Variants in CAMKMT observed in about 807,000 individuals in gnomAD.
CAMKMT encodes CaM KMT.
Under a neutral mutation model 48.0 loss-of-function variants are expected in CAMKMT, and 53 were observed. That is an observed-to-expected ratio of 1.10 (90% CI 0.89 to 1.39). CAMKMT has a LOEUF of 1.39. Among genes scored for constraint, CAMKMT ranks in the 40% most tolerant of loss-of-function variants. The probability of loss-of-function intolerance (pLI) is 0.00; values close to 1 mark genes in which losing one functional copy is unlikely to be tolerated. For synonymous variants in CAMKMT, 165 were observed against 152.3 expected (o/e 1.08, Z -0.61); for missense variants, 428 against 402.7 (o/e 1.06, Z -0.54).
chr2:44,686,773 G>A (rs901727731), intron 3 of CAMKMT, among the ~76,000 whole-genome samples: 1 of 152,226 alleles, frequency 6.6e-6, no homozygotes, highest in Non-Finnish European at 1.5e-5. Context: ...TATACCACCA[G>A]ACAGGTCACT....
At chr2:44,587,865 A>G (rs1320295018) in intron 3 of CAMKMT, among the ~76,000 whole-genome samples, 1 of 124,550 alleles carries the variant, frequency 8.0e-6, no homozygotes, top group African/African-American at 3.0e-5. Flanking sequence ...TGGCCCCCCA[A>G]AGTGCCGAGA....
intron 6 of CAMKMT, among the ~76,000 whole-genome samples, chr2:44,708,211 ATTTT>A (rs59281575): frequency 1.9e-4 from 13 of 68,194 alleles, no homozygotes; most frequent in Admixed American, 2.4e-4. Flanking sequence ...TTTGCTTTGG[ATTTT>A]TTTTTTTTTT....
At chr2:44,640,424 C>G (rs750579989) in intron 3 of CAMKMT, among the ~76,000 whole-genome samples, 10 of 152,192 alleles carry the variant, frequency 6.6e-5, no homozygotes, top group Non-Finnish European at 1.0e-4. Context: ...TGTGAATACA[C>G]ACTGGGTTGC....
At chr2:44,400,061 A>G (rs1253920715) in intron 3 of CAMKMT, among the ~76,000 whole-genome samples, 1 of 152,234 alleles carries the variant, frequency 6.6e-6, no homozygotes, top group Admixed American at 6.5e-5. Context: ...AGTGGTATTC[A>G]GTAAGTATGC....
intron 3 of CAMKMT, among the ~76,000 whole-genome samples, chr2:44,613,842 CAT>C (rs1460120220): frequency 3.9e-5 from 6 of 152,172 alleles, no homozygotes; most frequent in Admixed American, 3.9e-4. Context: ...TGTCACTAGT[CAT>C]GTGATCCCCT....
At chr2:44,507,896 G>C (rs185640379) in intron 3 of CAMKMT, among the ~76,000 whole-genome samples, 1 of 152,092 alleles carries the variant, frequency 6.6e-6, no homozygotes, top group Non-Finnish European at 1.5e-5. Flanking sequence ...AACTTACCTC[G>C]GCACAAACTG....
At position 44,548,210 on chromosome 2, in the gene CAMKMT, C is replaced by T. The variant is rs555743519; in HGVS notation, c.377-156073C>T. On this transcript the variant is annotated intron_variant, in intron 3 of 10. Transcript: ENST00000378494. ...GCAAAATTTATGGGAACAACCAGCT[C>T]GAAGTCCCCTCCTGCCTCATTCCTG... Among the ~76,000 whole-genome samples the T allele has an allele frequency of 2.0e-5, 3 of 152,234 alleles. No individual in the cohort carries two copies. In the South Asian group the frequency reaches 6.2e-4, roughly 32 times the overall value.
At chr2:44,650,799 A>G (rs890800933) in intron 3 of CAMKMT, among the ~76,000 whole-genome samples, 4 of 152,192 alleles carry the variant, frequency 2.6e-5, no homozygotes, top group African/African-American at 7.2e-5. Context: ...AGTAAAGATT[A>G]TAAAAGATTC....
intron 7 of CAMKMT, among the ~76,000 whole-genome samples, chr2:44,743,332 T>C (rs553541352): frequency 5.3e-5 from 8 of 152,232 alleles, no homozygotes; most frequent in Non-Finnish European, 8.8e-5. Flanking sequence ...AGAATCATTA[T>C]AATGACTACG....
At chr2:44,747,542 C>T (rs901943331) in intron 8 of CAMKMT, among the ~76,000 whole-genome samples, 4 of 152,138 alleles carry the variant, frequency 2.6e-5, no homozygotes, top group African/African-American at 9.7e-5. Context: ...ATTCTGAGCT[C>T]TCATAAAAAT....
intron 3 of CAMKMT, among the ~76,000 whole-genome samples, chr2:44,602,071 T>C (rs1671025398): frequency 6.6e-6 from 1 of 152,026 alleles, no homozygotes. Flanking sequence ...AGTGGTGCCA[T>C]CTCAGTTCAC....
intron 3 of CAMKMT, among the ~76,000 whole-genome samples, chr2:44,399,470 A>G (rs1457919260): frequency 6.6e-6 from 1 of 151,846 alleles, no homozygotes; most frequent in East Asian, 1.9e-4. Flanking sequence ...TGTAACAATA[A>G]ATTTGTTGGG....
At chr2:44,498,447 C>A (rs557323215) in intron 3 of CAMKMT, among the ~76,000 whole-genome samples, 80 of 152,216 alleles carry the variant, frequency 5.3e-4, no homozygotes, top group Non-Finnish European at 2.9e-4. Context: ...CATCAACACA[C>A]ATATACATTC....
chr2:44,391,356 C>G (rs1681322737), intron 3 of CAMKMT, among the ~76,000 whole-genome samples: 1 of 151,840 alleles, frequency 6.6e-6, no homozygotes, highest in Non-Finnish European at 1.5e-5. Flanking sequence ...GACTGATGTG[C>G]CTTTTAGTTT....
At chr2:44,469,441 G>T (rs1216108676) in intron 3 of CAMKMT, among the ~76,000 whole-genome samples, 1 of 151,730 alleles carries the variant, frequency 6.6e-6, no homozygotes, top group Non-Finnish European at 1.5e-5. Context: ...GTAGCTTTAA[G>T]TATATTTCTT....
At chr2:44,530,918 A>G (rs1666450142) in intron 3 of CAMKMT, among the ~76,000 whole-genome samples, 1 of 152,070 alleles carries the variant, frequency 6.6e-6, no homozygotes, top group African/African-American at 2.4e-5. Context: ...ATAATTTCAT[A>G]GTGTGGTAGC....
In CAMKMT at chr2:44,510,816, C is replaced by A. The variant is rs147143908; in HGVS notation, c.376+120511C>A. 9.0e-4 allele frequency among the ~76,000 whole-genome samples: 137 copies of A among 152,162 alleles called. 1 individual carries two copies. The highest frequency in any genetic ancestry group is 3.1e-3 in the African/African-American group (130 of 41,514). On this transcript the variant is annotated intron_variant, in intron 3 of 10. Coordinates refer to ENST00000378494, the MANE Select transcript of CAMKMT (RefSeq NM_024766.5). Reference sequence around the variant, plus strand: ...TATCCCTCACCTCCCTGTCAACCTTCCTCCTCGAGTCCCCAAAGTCCATTA... The same window carrying A: ...TATCCCTCACCTCCCTGTCAACCTTACTCCTCGAGTCCCCAAAGTCCATTA...
intron 1 of CAMKMT, among the ~76,000 whole-genome samples, chr2:44,364,136 A>G (rs112041535): frequency 7.3e-4 from 110 of 150,788 alleles, no homozygotes; most frequent in African/African-American, 2.4e-3. Flanking sequence ...GGGGTATGCC[A>G]TGATACCTGG....
intron 3 of CAMKMT, among the ~76,000 whole-genome samples, chr2:44,503,653 T>A (rs1670112595): frequency 2.0e-5 from 3 of 152,154 alleles, no homozygotes; most frequent in Non-Finnish European, 4.4e-5. Flanking sequence ...AAAGAATCGC[T>A]TCTAGGCTTC....
Sources: allele counts gnomAD v4.1 joint callset (sites outside exome capture counted in the v4.1 genomes callset), GRCh38; gene constraint gnomAD v4.1.1; transcripts MANE v1.5; gene names NCBI Gene and HGNC (gene_info 2026-07-23, HGNC 2026-07-21).